The following SMYD3 variants were observed in gnomAD, a reference collection of about 807,000 sequenced individuals.
SMYD3 encodes the protein histone-lysine N-methyltransferase SMYD3.
Under a neutral mutation model 57.7 loss-of-function variants are expected in SMYD3, and 36 were observed. The ratio of observed to expected loss-of-function variants is 0.62; its 90% confidence interval spans 0.48 to 0.82. The LOEUF is 0.82. SMYD3 is among the 40% of genes least tolerant of loss of function. SMYD3 has a pLI of 0.00. For synonymous variants in SMYD3, 211 were observed against 195.0 expected (o/e 1.08, Z -0.68); for missense variants, 515 against 538.8 (o/e 0.96, Z 0.44).
At chr1:245,789,591 G>A (rs545260175) in intron 10 of SMYD3, among the ~76,000 whole-genome samples, 2 of 152,334 alleles carry the variant, frequency 1.3e-5, no homozygotes, top group Admixed American at 6.5e-5. Flanking sequence ...GTACAATTGT[G>A]TGGTCTGTAT....
intron 10 of SMYD3, among the ~76,000 whole-genome samples, chr1:245,812,553 C>A (rs899477172): frequency 6.6e-6 from 1 of 152,064 alleles, no homozygotes; most frequent in Non-Finnish European, 1.5e-5. Context: ...CCGAGGAAAC[C>A]CTAAGAGAGG....
At chr1:246,034,815 C>A (rs77919837) in intron 5 of SMYD3, among the ~76,000 whole-genome samples, 1 of 152,030 alleles carries the variant, frequency 6.6e-6, no homozygotes, top group Non-Finnish European at 1.5e-5. Context: ...AGTACTTTGC[C>A]GACGCTGCAA....
intron 5 of SMYD3, among the ~76,000 whole-genome samples, chr1:245,967,737 G>A (rs2058192197): frequency 2.6e-5 from 4 of 152,184 alleles, no homozygotes; most frequent in Admixed American, 2.6e-4. Flanking sequence ...TAAAGGAACA[G>A]AGACAAAAAC....
rs148818929 is a variant in SMYD3 at position 246,293,335 on chromosome 1, G to A, written c.531+33866C>T. On this transcript the variant is annotated intron_variant, in intron 5 of 11. Transcript: ENST00000490107. ...TATTATGTACTTGGATGTTTTGCTGGCACCCTAGAGATCTGGAGCTTTTAG... is the reference window on the plus strand; with the variant it reads ...TATTATGTACTTGGATGTTTTGCTGACACCCTAGAGATCTGGAGCTTTTAG... 1.6e-3 allele frequency among the ~76,000 whole-genome samples: 243 copies of A among 152,174 alleles called. 1 individual carries two copies. Among genetic ancestry groups the A allele is most frequent in the African/African-American group, 5.4e-3 (226 of 41,512 alleles).
At chr1:246,259,256 C>G (rs2148517154) in intron 5 of SMYD3, among the ~76,000 whole-genome samples, 1 of 152,264 alleles carries the variant, frequency 6.6e-6, no homozygotes, top group South Asian at 2.1e-4. Flanking sequence ...CTTGTGCAAT[C>G]CTTTGGTGGT....
At chr1:246,006,416 G>A (rs2059169543) in intron 5 of SMYD3, among the ~76,000 whole-genome samples, 1 of 152,000 alleles carries the variant, frequency 6.6e-6, no homozygotes. Flanking sequence ...CCTACCAAAG[G>A]GGAACTGGGA....
In SMYD3 at chr1:246,507,277, G is replaced by A. The variant is rs926239398; in HGVS notation, c.-60C>T. ...GCGTCCAGCAGCGGGCGTCTCACGG[G>A]CTGCCGGGACCCGCGCGCCTGCGCC... On this transcript the variant is annotated 5_prime_UTR_variant, in exon 1 of 12. Coordinates refer to ENST00000490107, the MANE Select transcript of SMYD3 (RefSeq NM_001167740.2). 7.0e-6 allele frequency: 10 copies of A among 1,430,490 alleles called. No homozygotes were observed. The highest frequency in any genetic ancestry group is 5.4e-5 in the Admixed American group (2 of 36,850). 88.6% of individuals were successfully genotyped at this position (1,430,490 alleles called of 1,614,324 possible).
intron 5 of SMYD3, among the ~76,000 whole-genome samples, chr1:246,227,502 C>CA (rs1171693550): frequency 6.6e-6 from 1 of 152,136 alleles, no homozygotes; most frequent in Admixed American, 6.5e-5. Flanking sequence ...GAAGTCCCAA[C>CA]TACTCAGGAG....
intron 5 of SMYD3, among the ~76,000 whole-genome samples, chr1:246,253,287 C>G (rs543201624): frequency 1.3e-5 from 2 of 152,180 alleles, no homozygotes; most frequent in African/African-American, 4.8e-5. Context: ...CAACCTCGAG[C>G]AGTCCTCAGT....
chr1:246,118,140 T>C (rs2061371002), intron 5 of SMYD3, among the ~76,000 whole-genome samples: 1 of 152,168 alleles, frequency 6.6e-6, no homozygotes, highest in African/African-American at 2.4e-5. Context: ...ATTTCACAAA[T>C]AATTATTTTA....
chr1:245,771,848 C>T (rs1443471291), intron 10 of SMYD3, among the ~76,000 whole-genome samples: 1 of 151,982 alleles, frequency 6.6e-6, no homozygotes, highest in Non-Finnish European at 1.5e-5. Flanking sequence ...AAAAAAGGTC[C>T]TAACATCAGG....
At chr1:246,449,692 G>A (rs529077686) in intron 1 of SMYD3, among the ~76,000 whole-genome samples, 19 of 152,264 alleles carry the variant, frequency 1.2e-4, no homozygotes, top group African/African-American at 4.3e-4. Context: ...AGCACCCACT[G>A]CTTAGGGCTG....
At chr1:246,227,293 T>C (rs150121744) in intron 5 of SMYD3, among the ~76,000 whole-genome samples, 63 of 152,292 alleles carry the variant, frequency 4.1e-4, no homozygotes, top group African/African-American at 1.4e-3. Flanking sequence ...TTTCAGCTCA[T>C]GCACTGGGGC....
At chr1:245,838,554 G>C (rs922223614) in intron 10 of SMYD3, among the ~76,000 whole-genome samples, 2 of 152,164 alleles carry the variant, frequency 1.3e-5, no homozygotes, top group Non-Finnish European at 2.9e-5. Context: ...GATACATGTA[G>C]GTCTAGGTTT....
chr1:246,158,920 C>T (rs191465794), intron 5 of SMYD3, among the ~76,000 whole-genome samples: 1 of 152,194 alleles, frequency 6.6e-6, no homozygotes, highest in East Asian at 1.9e-4. Flanking sequence ...TCCAATGGAG[C>T]TTAATTCTAC....
intron 1 of SMYD3, among the ~76,000 whole-genome samples, chr1:246,485,499 T>C (rs1331218435): frequency 6.6e-6 from 1 of 152,178 alleles, no homozygotes; most frequent in African/African-American, 2.4e-5. Context: ...AATAAAGATC[T>C]AGCCAGATGC....
intron 8 of SMYD3, among the ~76,000 whole-genome samples, chr1:245,903,025 GA>G (rs552169118): frequency 3.1e-3 from 477 of 152,168 alleles, no homozygotes; most frequent in African/African-American, 5.6e-3. Context: ...TGCTTGAAAC[GA>G]AATGCAAAAT....
In SMYD3 at chr1:246,427,060, C is replaced by A. The variant is rs2067229605; in HGVS notation, c.165-71966G>T. ...TACCAAGGAGAGAGAAGTTAGTAGA[C>A]AAGAAGCAAGGCGACTAGATCATTC... On this transcript the variant is annotated intron_variant, in intron 1 of 11. Transcript: ENST00000490107. Among the ~76,000 whole-genome samples, 3 of 152,016 alleles carry A rather than the reference C, an allele frequency of 2.0e-5. No homozygotes were observed. The South Asian group carries it at 6.2e-4, about 32-fold the overall frequency.
In SMYD3 at chr1:246,227,551, G is replaced by T. The variant is rs529118791; in HGVS notation, c.531+99650C>A. ...AATCACTTGAACGTGGGAGGCGGAGGTTGCAGTGAGCTGAGATTGCACAAC... is the reference window on the plus strand; with the variant it reads ...AATCACTTGAACGTGGGAGGCGGAGTTTGCAGTGAGCTGAGATTGCACAAC... On this transcript the variant is annotated intron_variant, in intron 5 of 11. Coordinates refer to ENST00000490107, the MANE Select transcript of SMYD3 (RefSeq NM_001167740.2). Among the ~76,000 whole-genome samples, 147 of 152,184 alleles carry T rather than the reference G, an allele frequency of 9.7e-4. 1 individual carries two copies. The highest frequency in any genetic ancestry group is 3.5e-3 in the African/African-American group (146 of 41,548).
Sources: allele counts gnomAD v4.1 joint callset (sites outside exome capture counted in the v4.1 genomes callset), GRCh38; gene constraint gnomAD v4.1.1; transcripts MANE v1.5; gene names NCBI Gene and HGNC (gene_info 2026-07-23, HGNC 2026-07-21).